The following ASIC2 variants were observed in gnomAD, a reference collection of about 807,000 sequenced individuals.
ASIC2 encodes acid-sensing ion channel 2.
Under a neutral mutation model 57.3 loss-of-function variants are expected in ASIC2, and 25 were observed. The observed-to-expected ratio is 0.44, with a 90% CI of 0.32 to 0.61. The LOEUF is 0.61. Ranked by LOEUF, ASIC2 falls within the 20% of genes least tolerant of loss-of-function variation. The probability of loss-of-function intolerance (pLI) is 0.06; values close to 1 mark genes in which losing one functional copy is unlikely to be tolerated. For synonymous variants in ASIC2, 319 were observed against 307.5 expected (o/e 1.04, Z -0.39); for missense variants, 641 against 738.1 (o/e 0.87, Z 1.52).
At chr17:33,346,327 C>A (rs1291838182) in intron 1 of ASIC2, among the ~76,000 whole-genome samples, 3 of 150,730 alleles carry the variant, frequency 2.0e-5, no homozygotes, top group South Asian at 2.1e-4. Flanking sequence ...GAATCAAGAG[C>A]CTTTGGTGAT....
chr17:33,129,459 T>G (rs1001629622), intron 1 of ASIC2, among the ~76,000 whole-genome samples: 2 of 152,224 alleles, frequency 1.3e-5, no homozygotes, highest in African/African-American at 4.8e-5. Flanking sequence ...AACAGACATA[T>G]TCTTTCTTGT....
chr17:33,555,044 T>A lies in ASIC2; in HGVS notation c.556-442977A>T, dbSNP rs117143964. ...GATCAGTAAAAAGTGGATTTGAAGA[T>A]CAAATCCAGATCTGTCTGGCTCCAA... On this transcript the variant is annotated intron_variant, in intron 1 of 9. Coordinates refer to the ASIC2 transcript ENST00000359872. Among the ~76,000 whole-genome samples, 302 of 152,270 alleles carry A rather than the reference T, an allele frequency of 2.0e-3. 5 individuals are homozygous for A. In the East Asian group the frequency reaches 0.051, roughly 26 times the overall value.
intron 1 of ASIC2, among the ~76,000 whole-genome samples, chr17:33,141,454 G>A (rs1461798695): frequency 1.3e-5 from 2 of 152,200 alleles, no homozygotes; most frequent in Non-Finnish European, 2.9e-5. Context: ...AGGAAAAGCG[G>A]CATAAAATGT....
intron 1 of ASIC2, among the ~76,000 whole-genome samples, chr17:33,751,670 G>T (rs77848978): frequency 6.6e-6 from 1 of 151,922 alleles, no homozygotes; most frequent in East Asian, 1.9e-4. Context: ...ATAACGTTTT[G>T]GTTTACTTTT....
intron 1 of ASIC2, among the ~76,000 whole-genome samples, chr17:33,904,021 G>A (rs562151004): frequency 7.6e-4 from 116 of 151,908 alleles, no homozygotes; most frequent in Middle Eastern, 3.4e-3. Context: ...AAATTAGCTG[G>A]GTGTGGTGGT....
intron 1 of ASIC2, among the ~76,000 whole-genome samples, chr17:33,392,756 C>T (rs1909946739): frequency 6.6e-6 from 1 of 152,144 alleles, no homozygotes; most frequent in South Asian, 2.1e-4. Flanking sequence ...CCAGAGAATG[C>T]CCCTATGACA....
intron 3 of ASIC2, among the ~76,000 whole-genome samples, chr17:33,086,810 C>T (rs1176814590): frequency 6.6e-6 from 1 of 152,158 alleles, no homozygotes; most frequent in African/African-American, 2.4e-5. Context: ...AGGGTAGGAG[C>T]CTAACTAACT....
chr17:33,644,955 TGATA>T (rs995607688), intron 1 of ASIC2, among the ~76,000 whole-genome samples: 2 of 152,178 alleles, frequency 1.3e-5, no homozygotes, highest in African/African-American at 2.4e-5. Context: ...ATATGTCGGT[TGATA>T]GATAGGTAAT....
chr17:33,983,302 T>C (rs943340834), intron 1 of ASIC2, among the ~76,000 whole-genome samples: 1 of 152,204 alleles, frequency 6.6e-6, no homozygotes, highest in Non-Finnish European at 1.5e-5. Context: ...CATTTTCTCC[T>C]AATTATGTCT....
intron 1 of ASIC2, among the ~76,000 whole-genome samples, chr17:34,033,350 G>A (rs1907707688): frequency 6.6e-6 from 1 of 152,032 alleles, no homozygotes; most frequent in Non-Finnish European, 1.5e-5. Flanking sequence ...GAATCTCTGG[G>A]ACACATTCAA....
chr17:33,111,867 C>A lies in ASIC2; in HGVS notation c.859+50G>T, dbSNP rs112516665. ...AGCTCACCAGCCTTTCAGAGTCAGG[C>A]CTGCAACCCTCCACCATCACCCAAT... On this transcript the variant is annotated intron_variant, in intron 2 of 9. Transcript: ENST00000225823. 3.2e-6 allele frequency: 5 copies of A among 1,563,608 alleles called. No homozygotes were observed. In the African/African-American group the frequency reaches 6.8e-5, roughly 21 times the overall value.
intron 1 of ASIC2, 68 bp from the exon 2 acceptor site, chr17:33,112,135 C>G: frequency 6.7e-7 from 1 of 1,493,702 alleles, no homozygotes; most frequent in Non-Finnish European, 9.0e-7. Context: ...CAGAGATTGG[C>G]GAGACCCCAG....
chr17:33,964,575 CAGG>C (rs1905023850), intron 1 of ASIC2, among the ~76,000 whole-genome samples: 1 of 152,204 alleles, frequency 6.6e-6, no homozygotes. Flanking sequence ...GCTGCAAAAC[CAGG>C]AAGTAGGTGA....
intron 1 of ASIC2, among the ~76,000 whole-genome samples, chr17:34,150,503 CATAAAT>C (rs1293752243): frequency 6.6e-6 from 1 of 152,074 alleles, no homozygotes; most frequent in Non-Finnish European, 1.5e-5. Flanking sequence ...TGTTGTACAT[CATAAAT>C]ATATGTACCT....
intron 1 of ASIC2, among the ~76,000 whole-genome samples, chr17:33,326,232 G>A (rs904366540): frequency 9.2e-5 from 14 of 152,150 alleles, no homozygotes; most frequent in Admixed American, 4.6e-4. Context: ...GGTAAACAGA[G>A]TAATCACCAT....
chr17:34,112,529 T>C (rs527531258), intron 1 of ASIC2, among the ~76,000 whole-genome samples: 2 of 151,200 alleles, frequency 1.3e-5, no homozygotes, highest in South Asian at 2.1e-4. Context: ...CCAAGGGAGA[T>C]GGCTAAGTAC....
At chr17:33,620,017 C>G (rs982804041) in intron 1 of ASIC2, among the ~76,000 whole-genome samples, 2 of 152,012 alleles carry the variant, frequency 1.3e-5, no homozygotes, top group African/African-American at 4.8e-5. Context: ...AATTATGTGT[C>G]TCTCTTATAA....
At chr17:33,624,413 A>G (rs1222776671) in intron 1 of ASIC2, among the ~76,000 whole-genome samples, 3 of 152,218 alleles carry the variant, frequency 2.0e-5, no homozygotes, top group South Asian at 2.1e-4. Context: ...CACAGACTGA[A>G]CAGTAGTTGG....
intron 1 of ASIC2, among the ~76,000 whole-genome samples, chr17:33,306,454 A>G (rs752242727): frequency 5.3e-5 from 8 of 152,072 alleles, no homozygotes; most frequent in Non-Finnish European, 1.2e-4. Flanking sequence ...TAAATTTGGA[A>G]CTGCAGTTTT....
Sources: gnomAD v4.1 joint callset for allele counts (sites outside exome capture counted in the v4.1 genomes callset) on GRCh38, gnomAD v4.1.1 for gene constraint, MANE v1.5 for transcripts, NCBI Gene and HGNC (gene_info 2026-07-23, HGNC 2026-07-21) for gene names.